SYT9: variants seen among roughly 807,000 people sequenced by gnomAD.
SYT9 encodes the protein synaptotagmin-9.
A neutral mutation model predicts 48.4 loss-of-function variants in SYT9; 22 were observed. The ratio of observed to expected loss-of-function variants is 0.45; its 90% confidence interval spans 0.32 to 0.65. The LOEUF (loss-of-function observed/expected upper bound fraction) is 0.65. SYT9 is among the 30% of genes least tolerant of loss of function. SYT9 has a pLI of 0.03. For missense variants in SYT9, 577 were observed against 622.0 expected (o/e 0.93, Z 0.77); for synonymous variants, 265 against 245.0 (o/e 1.08, Z -0.76).
chr11:7,409,672 C>T (rs980752308), intron 3 of SYT9, among the ~76,000 whole-genome samples: 4 of 151,954 alleles, frequency 2.6e-5, no homozygotes, highest in Admixed American at 1.3e-4. Context: ...TATTCATAAT[C>T]GTGTGTGATG....
At chr11:7,297,837 C>T (rs1432303710) in intron 1 of SYT9, among the ~76,000 whole-genome samples, 1 of 152,152 alleles carries the variant, frequency 6.6e-6, no homozygotes, top group Non-Finnish European at 1.5e-5. Flanking sequence ...AATTTTTTCT[C>T]AGAAGTTTGC....
chr11:7,242,525 G>A lies in SYT9; in HGVS notation c.49+3609G>A, dbSNP rs558999692. ...GAGCTAATATATTTAGGGCATTTTT[G>A]TTGTGTCTGGCACATAGCATGAGTT... is the stretch of plus-strand genomic sequence containing the variant. On this transcript the variant is annotated intron_variant and NMD_transcript_variant, in intron 1 of 8. Coordinates refer to the SYT9 transcript ENST00000524820. Among the ~76,000 whole-genome samples, 8 of 152,316 alleles carry A rather than the reference G, an allele frequency of 5.3e-5. No homozygotes were observed. In the East Asian group the frequency reaches 1.3e-3, roughly 26 times the overall value.
rs1848047225 is a variant in SYT9 at position 7,259,981 on chromosome 11, ATC to A, written c.145+7654_145+7655del. Among the ~76,000 whole-genome samples the A allele has an allele frequency of 2.6e-5, 4 of 152,156 alleles. No individual in the cohort carries two copies. In the South Asian group the frequency reaches 6.2e-4, roughly 24 times the overall value. ...ATATGAAAAAGTTGTTATAATTTGA[ATC>A]TCTTTTTCTTTATGTTTTCTTTCCC... On this transcript the variant is annotated intron_variant, in intron 1 of 6. Transcript: ENST00000318881.
chr11:7,465,229 A>G (rs1352633876), intron 6 of SYT9, among the ~76,000 whole-genome samples: 3 of 152,102 alleles, frequency 2.0e-5, no homozygotes, highest in African/African-American at 4.8e-5. Flanking sequence ...TTTCCCAGAG[A>G]TGTGTGTGTG....
At chr11:7,290,508 G>C (rs935463851) in intron 1 of SYT9, among the ~76,000 whole-genome samples, 1 of 152,132 alleles carries the variant, frequency 6.6e-6, no homozygotes, top group Non-Finnish European at 1.5e-5. Context: ...ATGAAACACT[G>C]TATCATTTTC....
At chr11:7,401,510 G>A (rs1000938089) in intron 3 of SYT9, among the ~76,000 whole-genome samples, 3 of 151,352 alleles carry the variant, frequency 2.0e-5, no homozygotes, top group South Asian at 2.1e-4. Flanking sequence ...TTTCCTTAAC[G>A]ATCTGGAGTA....
At chr11:7,314,240 T>G (rs1164292679) in intron 3 of SYT9, 4 of 508,808 alleles carry the variant, frequency 7.9e-6, no homozygotes, top group Non-Finnish European at 1.5e-5. Context: ...GTACCACATT[T>G]TCTTTAGAGC....
In SYT9 at chr11:7,313,489, A is replaced by G. The variant is rs1178869592; in HGVS notation, c.592A>G (p.Ile198Val). The change falls in exon 3 of 7, where the codon ATT becomes GTT. Residue 198 changes from isoleucine (I) to valine (V), a missense_variant. By Grantham distance (29) the Ile-to-Val change is conservative (BLOSUM62 3). Transcript: ENST00000318881. ...KQEQLTGIGR[I>V]KPELYKQRSL... ...GGAACAGTTGACTGGAATTGGTAGA[A>G]TTAAACCAGAGTTATATAAGCAGAG... 1 of 1,614,204 alleles carries G rather than the reference A, an allele frequency of 6.2e-7. No homozygotes were observed. The highest frequency in any genetic ancestry group is 1.1e-5 in the South Asian group (1 of 91,084).
rs748822270 is a variant in SYT9 at position 7,313,641 on chromosome 11, C to T, written c.744C>T (p.Pro248=). 1.6e-5 allele frequency: 26 copies of T among 1,614,000 alleles called. No individual in the cohort carries two copies. The highest frequency in any genetic ancestry group is 6.6e-5 in the South Asian group (6 of 91,086). ...AGATTCACAAAGCTGTCAATTTGCC[C>T]GCCAAGGACTTTTCTGGGACTTCAG... ...IVKIHKAVNL[P]AKDFSGTSDP... Residue 248 remains proline (P), a synonymous_variant, in exon 3 of 7, where the codon CCC becomes CCT. Transcript: ENST00000318881.
At chr11:7,382,118 G>A (rs1210049925) in intron 3 of SYT9, among the ~76,000 whole-genome samples, 1 of 152,186 alleles carries the variant, frequency 6.6e-6, no homozygotes, top group Non-Finnish European at 1.5e-5. Flanking sequence ...ACAAGCAACT[G>A]AGGCTCCCTT....
intron 3 of SYT9, among the ~76,000 whole-genome samples, chr11:7,338,863 G>C (rs974213776): frequency 6.6e-6 from 1 of 152,160 alleles, no homozygotes; most frequent in Non-Finnish European, 1.5e-5. Flanking sequence ...AGGTCCATTT[G>C]GTCCAATATT....
chr11:7,466,448 C>A (rs1033083984), intron 6 of SYT9, among the ~76,000 whole-genome samples: 2 of 152,128 alleles, frequency 1.3e-5, no homozygotes, highest in African/African-American at 4.8e-5. Flanking sequence ...ATGGGCCAGG[C>A]ACAGTGACTC....
At chr11:7,403,580 G>GAC (rs796780121) in intron 3 of SYT9, among the ~76,000 whole-genome samples, 56 of 150,350 alleles carry the variant, frequency 3.7e-4, no homozygotes, top group Middle Eastern at 3.4e-3. Flanking sequence ...GAGAGAGAGA[G>GAC]ACACACACAT....
At chr11:7,297,181 C>T (rs889675880) in intron 1 of SYT9, among the ~76,000 whole-genome samples, 7 of 151,992 alleles carry the variant, frequency 4.6e-5, no homozygotes, top group South Asian at 2.1e-4. Flanking sequence ...CTGGACCTCA[C>T]CCAAGACATA....
At chr11:7,318,332 T>G (rs1849277826) in intron 3 of SYT9, among the ~76,000 whole-genome samples, 2 of 152,230 alleles carry the variant, frequency 1.3e-5, no homozygotes, top group South Asian at 4.1e-4. Context: ...CTTTTTTTTT[T>G]TATGGCATTT....
chr11:7,354,501 G>A (rs903082246), intron 3 of SYT9, among the ~76,000 whole-genome samples: 2 of 152,142 alleles, frequency 1.3e-5, no homozygotes, highest in Non-Finnish European at 2.9e-5. Flanking sequence ...CATACACTGA[G>A]GGATGCTGCA....
intron 3 of SYT9, among the ~76,000 whole-genome samples, chr11:7,330,916 T>G (rs1849516294): frequency 6.6e-6 from 1 of 151,860 alleles, no homozygotes; most frequent in South Asian, 2.1e-4. Context: ...AGGCTGGTCT[T>G]GAACTCCTGA....
intron 3 of SYT9, among the ~76,000 whole-genome samples, chr11:7,384,898 C>A (rs967557447): frequency 6.6e-6 from 1 of 152,128 alleles, no homozygotes; most frequent in Non-Finnish European, 1.5e-5. Context: ...CACCTCAGGG[C>A]ATCTGTGCTT....
chr11:7,317,109 T>C (rs1287467445), intron 3 of SYT9, among the ~76,000 whole-genome samples: 1 of 152,232 alleles, frequency 6.6e-6, no homozygotes, highest in Non-Finnish European at 1.5e-5. Context: ...TTTGGTGTAA[T>C]AAAATGTATC....
Sources: allele counts gnomAD v4.1 joint callset (sites outside exome capture counted in the v4.1 genomes callset), GRCh38; gene constraint gnomAD v4.1.1; transcripts MANE v1.5; gene names NCBI Gene and HGNC (gene_info 2026-07-23, HGNC 2026-07-21).